Variants in TBC1D4 observed in about 807,000 individuals in gnomAD.
TBC1D4 encodes TBC1 domain family member 4.
Under a neutral mutation model 142.5 loss-of-function variants are expected in TBC1D4, and 121 were observed. The ratio of observed to expected loss-of-function variants is 0.85; its 90% CI spans 0.73 to 0.99. The LOEUF (loss-of-function observed/expected upper bound fraction) is 0.99, where lower values mean the gene tolerates loss of function less well. Ranked by LOEUF, TBC1D4 falls within the 50% of genes least tolerant of loss-of-function variation. The probability of loss-of-function intolerance (pLI) is 0.00; values close to 1 mark genes in which losing one functional copy is unlikely to be tolerated. For missense variants in TBC1D4, 1,475 were observed against 1,606.6 expected (o/e 0.92, Z 1.40); for synonymous variants, 630 against 628.2 (o/e 1.00, Z -0.04).
chr13:75,467,606 G>A (rs1393195329), intron 1 of TBC1D4, among the ~76,000 whole-genome samples: 1 of 152,220 alleles, frequency 6.6e-6, no homozygotes, highest in Non-Finnish European at 1.5e-5. Flanking sequence ...GGAGGTGGAA[G>A]CAGAGAGCCT....
At chr13:75,340,284 T>C (rs1316728009) in intron 7 of TBC1D4, among the ~76,000 whole-genome samples, 2 of 152,210 alleles carry the variant, frequency 1.3e-5, no homozygotes, top group Non-Finnish European at 2.9e-5. Flanking sequence ...CCTGAATTAG[T>C]GTTATCAAGA....
At chr13:75,415,064 C>A (rs1051383250) in intron 1 of TBC1D4, among the ~76,000 whole-genome samples, 4 of 146,960 alleles carry the variant, frequency 2.7e-5, no homozygotes, top group Non-Finnish European at 5.9e-5. Flanking sequence ...GTGGAGGTTT[C>A]GGTGAGCCGA....
chr13:75,383,649 C>CT (rs1216843589), intron 1 of TBC1D4, among the ~76,000 whole-genome samples: 2 of 151,922 alleles, frequency 1.3e-5, no homozygotes, highest in Admixed American at 6.6e-5. Flanking sequence ...ATTATTGTTG[C>CT]TAATTTCTTG....
At chr13:75,466,877 A>G (rs894455414) in intron 1 of TBC1D4, among the ~76,000 whole-genome samples, 1 of 151,804 alleles carries the variant, frequency 6.6e-6, no homozygotes, top group African/African-American at 2.4e-5. Flanking sequence ...CTCAAAAAAA[A>G]ATAATAATAA....
chr13:75,315,798 C>T (rs1878268087), intron 12 of TBC1D4, among the ~76,000 whole-genome samples: 1 of 152,058 alleles, frequency 6.6e-6, no homozygotes, highest in Non-Finnish European at 1.5e-5. Context: ...TTCTTAAAAC[C>T]CTTTATTGGG....
At chr13:75,431,281 G>A (rs373233277) in intron 1 of TBC1D4, among the ~76,000 whole-genome samples, 7 of 152,250 alleles carry the variant, frequency 4.6e-5, no homozygotes, top group Middle Eastern at 3.4e-3. Context: ...GAAGAACTTT[G>A]AGAAAACAGT....
intron 8 of TBC1D4, among the ~76,000 whole-genome samples, chr13:75,328,113 T>G (rs887411850): frequency 1.1e-4 from 17 of 152,148 alleles, no homozygotes; most frequent in African/African-American, 3.9e-4. Flanking sequence ...ATAAGTTCAG[T>G]GAGGGCCCCA....
chr13:75,337,786 G>A lies in TBC1D4; in HGVS notation c.1612-746C>T, dbSNP rs547352922. ...AAGAATACACAGGATTCAGACAGGC[G>A]GGAAGAAAGGGATGAAGACTTCCCC... On this transcript the variant is annotated intron_variant, in intron 7 of 20. Coordinates refer to ENST00000377636, the MANE Select transcript of TBC1D4 (RefSeq NM_014832.5). 7.2e-5 allele frequency among the ~76,000 whole-genome samples: 11 copies of A among 152,256 alleles called. No homozygotes were observed. In the South Asian group the frequency reaches 1.0e-3, roughly 14 times the overall value.
chr13:75,284,480 G>C lies in TBC1D4; in HGVS notation c.*2312C>G, dbSNP rs1224879894. 1.3e-5 allele frequency among the ~76,000 whole-genome samples: 2 copies of C among 152,080 alleles called. No homozygotes were observed. The highest frequency in any genetic ancestry group is 1.3e-4 in the Admixed American group (2 of 15,278). The stretch of plus-strand genomic sequence containing the variant: ...ATGCACAGTTCACAATAGGGTTTGC[G>C]CTCCTATGAGAATCTAATGCCGTGG... On this transcript the variant is annotated 3_prime_UTR_variant, in exon 21 of 21. Coordinates refer to ENST00000377636, the MANE Select transcript of TBC1D4 (RefSeq NM_014832.5).
chr13:75,312,821 G>A lies in TBC1D4; in HGVS notation c.2300C>T (p.Pro767Leu). 6.2e-7 allele frequency: 1 copy of A among 1,614,188 alleles called. No homozygotes were observed. The highest frequency in any genetic ancestry group is 8.5e-7 in the Non-Finnish European group (1 of 1,180,034). The change falls in exon 13 of 21, where the codon CCT (proline) becomes CTT (leucine). Residue 767 changes from proline to leucine, a missense_variant. Pro to Leu is a moderately conservative substitution (Grantham distance 98). Around this residue, in one of 2 missense-constraint regions of TBC1D4, gnomAD observed 1,227 missense variants for 1,267.7 expected, o/e 0.97. Transcript: ENST00000377636. ...SLSVGGTSVT[P>L]RRISWRQRIF... ...GCGCTGCCGCCAGGAGATCCGGCGA[G>A]GAGTGACAGAGGTTCCTCCCACACT...
chr13:75,338,745 T>C (rs993929043), intron 7 of TBC1D4, among the ~76,000 whole-genome samples: 7 of 152,220 alleles, frequency 4.6e-5, no homozygotes, highest in Non-Finnish European at 1.0e-4. Context: ...ACCAAATCCA[T>C]TTTTCTAATT....
intron 1 of TBC1D4, among the ~76,000 whole-genome samples, chr13:75,426,770 A>C (rs1392854883): frequency 6.6e-6 from 1 of 152,144 alleles, no homozygotes; most frequent in Non-Finnish European, 1.5e-5. Flanking sequence ...GGCCAGGCAC[A>C]GTGGCTCACA....
intron 1 of TBC1D4, among the ~76,000 whole-genome samples, chr13:75,368,521 G>A (rs1202797834): frequency 6.6e-6 from 1 of 152,112 alleles, no homozygotes; most frequent in Non-Finnish European, 1.5e-5. Flanking sequence ...CTGCCTTTTT[G>A]ATGGCCTCTA....
intron 17 of TBC1D4, among the ~76,000 whole-genome samples, chr13:75,298,362 T>G (rs1418524315): frequency 1.3e-5 from 2 of 152,052 alleles, no homozygotes; most frequent in Admixed American, 6.5e-5. Flanking sequence ...AGGAGAGAAA[T>G]GTGCAAACAG....
intron 1 of TBC1D4, among the ~76,000 whole-genome samples, chr13:75,370,448 C>T (rs1883163347): frequency 6.6e-6 from 1 of 152,180 alleles, no homozygotes; most frequent in South Asian, 2.1e-4. Flanking sequence ...CTGCACTCAT[C>T]CAGGGTGAGC....
At chr13:75,472,120 A>AG (rs1888432735) in intron 1 of TBC1D4, among the ~76,000 whole-genome samples, 2 of 150,694 alleles carry the variant, frequency 1.3e-5, no homozygotes, top group African/African-American at 4.9e-5. Context: ...AAAAAAAAAA[A>AG]AAAAAAGAAA....
At chr13:75,465,022 T>A (rs1484580035) in intron 1 of TBC1D4, among the ~76,000 whole-genome samples, 1 of 152,318 alleles carries the variant, frequency 6.6e-6, no homozygotes, top group East Asian at 1.9e-4. Context: ...ACTTACCATA[T>A]GGTACTGTTC....
At chr13:75,376,820 T>A (rs1261560078) in intron 1 of TBC1D4, among the ~76,000 whole-genome samples, 2 of 152,228 alleles carry the variant, frequency 1.3e-5, no homozygotes, top group Non-Finnish European at 2.9e-5. Context: ...CACAGAGCAA[T>A]GTAATTAATC....
At chr13:75,321,095 C>T (rs146391613) in intron 11 of TBC1D4, among the ~76,000 whole-genome samples, 71 of 151,604 alleles carry the variant, frequency 4.7e-4, no homozygotes, top group Admixed American at 1.4e-3. Context: ...TACCCTATTC[C>T]CTACTTGACT....
Sources: gnomAD v4.1 joint callset for allele counts (sites outside exome capture counted in the v4.1 genomes callset) on GRCh38, gnomAD v4.1.1 for gene constraint, gnomAD v4.1.1 regional missense constraint, MANE v1.5 for transcripts, NCBI Gene and HGNC (gene_info 2026-07-23, HGNC 2026-07-21) for gene names.